Variants in GMDS observed in about 807,000 individuals in gnomAD.
GMDS encodes the protein GDP-mannose 4,6-dehydratase.
In GMDS, 20 loss-of-function variants were observed where a neutral mutation model predicts 49.9. The ratio of observed to expected loss-of-function variants is 0.40; its 90% CI spans 0.28 to 0.58. The LOEUF (loss-of-function observed/expected upper bound fraction) is 0.58, where lower values mean the gene tolerates loss of function less well. GMDS is among the 20% of genes least tolerant of loss of function. The pLI, the probability that GMDS is intolerant of heterozygous loss-of-function variation, is 0.42. For synonymous variants in GMDS, 177 were observed against 178.6 expected (o/e 0.99, Z 0.07); for missense variants, 362 against 481.4 (o/e 0.75, Z 2.32).
At chr6:2,063,846 C>T (rs903306985) in intron 4 of GMDS, among the ~76,000 whole-genome samples, 1 of 152,104 alleles carries the variant, frequency 6.6e-6, no homozygotes, top group Admixed American at 6.5e-5. Flanking sequence ...GGAGTGAGAA[C>T]GAGCCAGAAA....
At chr6:1,990,045 C>A (rs1330646343) in intron 4 of GMDS, among the ~76,000 whole-genome samples, 3 of 152,220 alleles carry the variant, frequency 2.0e-5, no homozygotes, top group African/African-American at 7.2e-5. Context: ...GCCTGTAATC[C>A]CAGCACTTTG....
chr6:2,116,262 C>G (rs1774843292), intron 3 of GMDS, among the ~76,000 whole-genome samples: 1 of 151,820 alleles, frequency 6.6e-6, no homozygotes, highest in Admixed American at 6.6e-5. Flanking sequence ...ATCCATAACA[C>G]TGATGATGAT....
At chr6:1,977,675 C>A (rs1459276341) in intron 4 of GMDS, among the ~76,000 whole-genome samples, 2 of 152,168 alleles carry the variant, frequency 1.3e-5, no homozygotes, top group Non-Finnish European at 2.9e-5. Flanking sequence ...AGGGAACCCC[C>A]ACCCCCAGCC....
intron 7 of GMDS, among the ~76,000 whole-genome samples, chr6:1,812,602 C>A (rs1398439437): frequency 6.6e-6 from 1 of 152,066 alleles, no homozygotes; most frequent in African/African-American, 2.4e-5. Flanking sequence ...AGGAAGGGAG[C>A]AGGTCAGAGA....
At chr6:2,176,954 G>A (rs1778311313) in intron 1 of GMDS, among the ~76,000 whole-genome samples, 2 of 152,182 alleles carry the variant, frequency 1.3e-5, no homozygotes, top group African/African-American at 4.8e-5. Context: ...GACAAAGGAA[G>A]AGAGCTCTTT....
intron 4 of GMDS, among the ~76,000 whole-genome samples, chr6:1,999,416 A>G (rs2127377719): frequency 6.6e-6 from 1 of 152,156 alleles, no homozygotes; most frequent in South Asian, 2.1e-4. Context: ...TAGTATTTAA[A>G]ATATAAGTTA....
chr6:2,149,166 C>T (rs1025571853), intron 1 of GMDS, among the ~76,000 whole-genome samples: 7 of 152,000 alleles, frequency 4.6e-5, no homozygotes, highest in Non-Finnish European at 1.0e-4. Context: ...TGATTAAGGG[C>T]TTTATCTTGG....
At chr6:1,795,561 G>T (rs969533297) in intron 7 of GMDS, among the ~76,000 whole-genome samples, 1 of 152,124 alleles carries the variant, frequency 6.6e-6, no homozygotes, top group South Asian at 2.1e-4. Context: ...AAATTAAAAG[G>T]TGAATGAAAC....
In GMDS at chr6:1,662,759, T is replaced by A. The variant is rs1360782812; in HGVS notation, c.988-38219A>T. ...ATCATTCCAACATTTTCCCAATTAT[T>A]TGACAGAAACACAAATTTAGGGCTT... is the stretch of plus-strand genomic sequence containing the variant. On this transcript the variant is annotated intron_variant, in intron 9 of 10. Coordinates refer to ENST00000380815, the MANE Select transcript of GMDS (RefSeq NM_001500.4). 9.9e-4 allele frequency among the ~76,000 whole-genome samples: 151 copies of A among 152,218 alleles called. 3 individuals are homozygous for A. The highest frequency in any genetic ancestry group is 1.5e-4 in the Non-Finnish European group (10 of 68,030).
intron 7 of GMDS, among the ~76,000 whole-genome samples, chr6:1,808,017 T>C (rs866123039): frequency 2.6e-5 from 4 of 152,204 alleles, no homozygotes; most frequent in African/African-American, 9.7e-5. Flanking sequence ...TTCTAGACTA[T>C]ATAAATAACT....
At chr6:1,907,189 G>A (rs1338134523) in intron 7 of GMDS, among the ~76,000 whole-genome samples, 1 of 152,188 alleles carries the variant, frequency 6.6e-6, no homozygotes, top group Non-Finnish European at 1.5e-5. Flanking sequence ...GGCTTGGCAT[G>A]CACGTGTCAG....
rs912225892 is a variant in GMDS, at chr6:2,028,001, C to T, written c.346-67035G>A. Among the ~76,000 whole-genome samples the T allele has an allele frequency of 1.5e-4, 23 of 152,140 alleles. 1 individual carries two copies. The highest frequency in any genetic ancestry group is 9.8e-4 in the Admixed American group (15 of 15,278). ...TTGAACAAAGGTTTAAAAAAAGCTT[C>T]AAAACTTTAAAGAAAAACAGAACTC... On this transcript the variant is annotated intron_variant, in intron 4 of 10. Transcript: ENST00000380815.
At chr6:2,133,448 A>T (rs1181594656) in intron 1 of GMDS, among the ~76,000 whole-genome samples, 1 of 152,216 alleles carries the variant, frequency 6.6e-6, no homozygotes, top group Non-Finnish European at 1.5e-5. Context: ...TGCTACTGAA[A>T]TACTGCTGTT....
At position 1,799,501 on chromosome 6, in the gene GMDS, GTC is replaced by G. The variant is rs563934348; in HGVS notation, c.772-56917_772-56916del. 4.0e-3 allele frequency among the ~76,000 whole-genome samples: 606 copies of G among 152,272 alleles called. 1 individual carries two copies. The highest frequency in any genetic ancestry group is 6.6e-3 in the Non-Finnish European group (450 of 68,022). ...AACTGTGATCAAGATATACTTTTAA[GTC>G]TGAAGGTCTTCATTATTATCGAAAT... On this transcript the variant is annotated intron_variant, in intron 7 of 10. Coordinates refer to ENST00000380815, the MANE Select transcript of GMDS (RefSeq NM_001500.4).
chr6:1,951,809 T>C (rs1763354120), intron 6 of GMDS: 1 of 621,480 alleles, frequency 1.6e-6, no homozygotes, highest in Admixed American at 6.3e-5. Flanking sequence ...AAACTATGTT[T>C]ATTGTAATTA....
intron 7 of GMDS, among the ~76,000 whole-genome samples, chr6:1,782,423 G>A (rs1769135647): frequency 6.6e-6 from 1 of 152,124 alleles, no homozygotes; most frequent in Non-Finnish European, 1.5e-5. Context: ...CTCATCAGAG[G>A]CCACAAGAAG....
At chr6:1,979,940 CA>C (rs1314430434) in intron 4 of GMDS, among the ~76,000 whole-genome samples, 1 of 152,150 alleles carries the variant, frequency 6.6e-6, no homozygotes, top group Non-Finnish European at 1.5e-5. Flanking sequence ...CATATCTGTC[CA>C]AACTAAGCTT....
chr6:2,084,129 A>G (rs1772870969), intron 4 of GMDS, among the ~76,000 whole-genome samples: 1 of 152,216 alleles, frequency 6.6e-6, no homozygotes, highest in South Asian at 2.1e-4. Flanking sequence ...GTCTTGGGTC[A>G]GATTATAAAA....
chr6:2,223,480 G>T (rs1189747046), intron 1 of GMDS, among the ~76,000 whole-genome samples: 1 of 144,512 alleles, frequency 6.9e-6, no homozygotes, highest in Non-Finnish European at 1.5e-5. Flanking sequence ...AAAAAAAAAA[G>T]ACTGGAAGCA....
Sources: allele counts gnomAD v4.1 joint callset (sites outside exome capture counted in the v4.1 genomes callset), GRCh38; gene constraint gnomAD v4.1.1; transcripts MANE v1.5; gene names NCBI Gene and HGNC (gene_info 2026-07-23, HGNC 2026-07-21).